RBM47: variants seen among roughly 807,000 people sequenced by gnomAD.
RBM47 encodes RNA binding motif protein 47.
In RBM47, 21 loss-of-function variants were observed where a neutral mutation model predicts 47.1. That is an observed-to-expected ratio of 0.45 (90% confidence interval 0.32 to 0.64). The LOEUF (loss-of-function observed/expected upper bound fraction) is 0.64. Ranked by LOEUF, RBM47 falls within the 30% of genes least tolerant of loss-of-function variation. The pLI is 0.05. For synonymous variants in RBM47, 375 were observed against 361.7 expected (o/e 1.04, Z -0.42); for missense variants, 708 against 870.9 (o/e 0.81, Z 2.35).
chr4:40,568,872 T>C (rs967870432), intron 1 of RBM47, among the ~76,000 whole-genome samples: 3 of 151,802 alleles, frequency 2.0e-5, no homozygotes, highest in Non-Finnish European at 4.4e-5. Context: ...TCCCAGCTAC[T>C]CGGGAGGCTG....
chr4:40,553,934 G>A lies in RBM47; in HGVS notation c.-239-9428C>T, dbSNP rs146153282. Among the ~76,000 whole-genome samples, 15 of 152,262 alleles carry A rather than the reference G, an allele frequency of 9.9e-5. No individual in the cohort carries two copies. The East Asian group carries it at 1.9e-3, about 20-fold the overall frequency. On this transcript the variant is annotated intron_variant, in intron 1 of 6. Coordinates refer to ENST00000295971, the MANE Select transcript of RBM47 (RefSeq NM_001098634.2). Reference sequence around the variant, plus strand: ...TTGAAGGTAAAATAGGGCCTTCGTCGTAAGATGAGCCAGCCAGCCCTTTTG... The same window carrying A: ...TTGAAGGTAAAATAGGGCCTTCGTCATAAGATGAGCCAGCCAGCCCTTTTG...
intron 3 of RBM47, among the ~76,000 whole-genome samples, chr4:40,444,862 A>G (rs1367185123): frequency 6.6e-6 from 1 of 151,028 alleles, no homozygotes; most frequent in Non-Finnish European, 1.5e-5. Flanking sequence ...ATGGGGTTTC[A>G]CCATGTTTGC....
chr4:40,518,796 T>C (rs1023369655), intron 2 of RBM47, among the ~76,000 whole-genome samples: 1 of 151,514 alleles, frequency 6.6e-6, no homozygotes, highest in Non-Finnish European at 1.5e-5. Context: ...AATGATAGCT[T>C]ATGAGCTTTA....
chr4:40,598,505 C>G (rs1734953982), intron 1 of RBM47, among the ~76,000 whole-genome samples: 1 of 152,106 alleles, frequency 6.6e-6, no homozygotes, highest in South Asian at 2.1e-4. Context: ...CCACCTCAGG[C>G]TCCCAAAGTG....
At chr4:40,574,760 G>A (rs1732127935) in intron 1 of RBM47, among the ~76,000 whole-genome samples, 1 of 152,142 alleles carries the variant, frequency 6.6e-6, no homozygotes, top group African/African-American at 2.4e-5. Context: ...TGAGGCAGAA[G>A]AATCACTTGA....
intron 2 of RBM47, among the ~76,000 whole-genome samples, chr4:40,485,995 C>T (rs1344995413): frequency 4.8e-5 from 7 of 144,700 alleles, no homozygotes; most frequent in Admixed American, 2.2e-4. Context: ...TGCTTGAGCC[C>T]GGAAGCTCCA....
intron 5 of RBM47, 109 bp from the exon 6 acceptor site, chr4:40,432,971 T>C: frequency 7.1e-7 from 1 of 1,403,820 alleles, no homozygotes; most frequent in South Asian, 1.4e-5. Context: ...AAAACTTTTC[T>C]TTTTTTTGAG....
chr4:40,464,852 C>T (rs1302538556), intron 3 of RBM47, among the ~76,000 whole-genome samples: 4 of 126,262 alleles, frequency 3.2e-5, no homozygotes, highest in Non-Finnish European at 6.3e-5. Flanking sequence ...GATCGCGCCA[C>T]TGCACTCCAG....
intron 5 of RBM47, among the ~76,000 whole-genome samples, chr4:40,435,707 G>C (rs936680313): frequency 5.9e-5 from 9 of 152,144 alleles, no homozygotes; most frequent in Non-Finnish European, 1.0e-4. Flanking sequence ...TCCGACTTCA[G>C]ATGGTCGGGG....
intron 1 of RBM47, among the ~76,000 whole-genome samples, chr4:40,626,746 T>C (rs1377305620): frequency 1.3e-5 from 2 of 152,126 alleles, no homozygotes; most frequent in Non-Finnish European, 2.9e-5. Flanking sequence ...GAAGCAACTA[T>C]GAGAGAAACA....
At chr4:40,542,738 T>G (rs1728670057) in intron 2 of RBM47, 1 of 152,202 alleles carries the variant, frequency 6.6e-6, no homozygotes, top group Admixed American at 6.5e-5. Context: ...GGTCTCATTA[T>G]GTTGCCCAGG....
intron 3 of RBM47, among the ~76,000 whole-genome samples, chr4:40,460,410 G>C (rs990722624): frequency 2.0e-5 from 3 of 152,114 alleles, no homozygotes; most frequent in African/African-American, 4.8e-5. Context: ...GCTTGAGCTC[G>C]AGCTCCTGCA....
chr4:40,554,681 T>A (rs1010480965), intron 1 of RBM47, among the ~76,000 whole-genome samples: 2 of 151,998 alleles, frequency 1.3e-5, no homozygotes, highest in African/African-American at 4.8e-5. Context: ...AGAAAAAAAA[T>A]TTTAAAGAAA....
intron 2 of RBM47, among the ~76,000 whole-genome samples, chr4:40,472,266 C>T (rs976447788): frequency 2.0e-5 from 3 of 152,036 alleles, no homozygotes; most frequent in Non-Finnish European, 4.4e-5. Context: ...AATTTTATAT[C>T]GTCATTAATA....
rs1160883353 is a variant in RBM47 at position 40,479,420 on chromosome 4, T to C, written c.-154-12721A>G. ...GAGTTCAGGACCAGCCTGGGGAACA[T>C]AGTGAGACCCCATCTCTACAAATAA... On this transcript the variant is annotated intron_variant, in intron 2 of 6. Coordinates refer to ENST00000295971, the MANE Select transcript of RBM47 (RefSeq NM_001098634.2). Among the ~76,000 whole-genome samples, 4 of 151,740 alleles carry C rather than the reference T, an allele frequency of 2.6e-5. No individual in the cohort carries two copies. The East Asian group carries it at 5.9e-4, about 22-fold the overall frequency.
At chr4:40,575,549 T>G (rs534159973) in intron 1 of RBM47, among the ~76,000 whole-genome samples, 1 of 56,366 alleles carries the variant, frequency 1.8e-5, no homozygotes, top group African/African-American at 1.3e-4. Context: ...CGAAACTCCA[T>G]CTCAAAAAAA....
At chr4:40,467,316 G>A (rs1718197960) in intron 2 of RBM47, among the ~76,000 whole-genome samples, 1 of 151,440 alleles carries the variant, frequency 6.6e-6, no homozygotes. Context: ...TTGAGATGGA[G>A]TTTTGCTCTG....
chr4:40,430,706 A>G (rs1370733345), intron 6 of RBM47, among the ~76,000 whole-genome samples: 1 of 152,188 alleles, frequency 6.6e-6, no homozygotes, highest in Non-Finnish European at 1.5e-5. Flanking sequence ...TTTCAGAATC[A>G]TTGAGGAGCT....
intron 1 of RBM47, among the ~76,000 whole-genome samples, chr4:40,603,067 CA>C (rs1735427822): frequency 6.6e-6 from 1 of 152,078 alleles, no homozygotes; most frequent in African/African-American, 2.4e-5. Flanking sequence ...TCAACTTTAA[CA>C]AACTGAACAT....
Sources: allele counts gnomAD v4.1 joint callset (sites outside exome capture counted in the v4.1 genomes callset), GRCh38; gene constraint gnomAD v4.1.1; transcripts MANE v1.5; gene names NCBI Gene and HGNC (gene_info 2026-07-23, HGNC 2026-07-21).